Variants in NPEPPS observed in about 807,000 individuals in gnomAD.
NPEPPS encodes aminopeptidase puromycin sensitive, also known as puromycin-sensitive aminopeptidase.
In NPEPPS, 14 loss-of-function variants were observed where a neutral mutation model predicts 115.5. The ratio of observed to expected loss-of-function variants is 0.12; its 90% CI spans 0.08 to 0.19. The LOEUF is 0.19. NPEPPS is among the 10% of genes least tolerant of loss of function. NPEPPS has a pLI of 1.00. For synonymous variants in NPEPPS, 285 were observed against 390.6 expected, an observed-to-expected ratio of 0.73 and a Z score of 3.19; for missense variants, 523 against 1,110.8, an observed-to-expected ratio of 0.47 and a Z score of 7.52.
At chr17:47,605,862 TTTTA>T (rs1205744775) in intron 17 of NPEPPS, among the ~76,000 whole-genome samples, 3 of 152,100 alleles carry the variant, frequency 2.0e-5, no homozygotes, top group Non-Finnish European at 2.9e-5. Flanking sequence ...GGTTGTTTTG[TTTTA>T]TTTATTTATT....
intron 2 of NPEPPS, among the ~76,000 whole-genome samples, chr17:47,568,088 A>C: frequency 6.6e-6 from 1 of 152,170 alleles, no homozygotes; most frequent in Non-Finnish European, 1.5e-5. Context: ...ACTGTTTTCC[A>C]AAAGTGGCTG....
At chr17:47,560,972 G>A (rs985980625) in intron 2 of NPEPPS, among the ~76,000 whole-genome samples, 2 of 152,128 alleles carry the variant, frequency 1.3e-5, no homozygotes, top group Admixed American at 1.3e-4. Flanking sequence ...TAGATAATTT[G>A]TAAAGGAAAA....
chr17:47,612,640 ACAT>A (rs758282281), intron 18 of NPEPPS, 38 bp downstream of exon 18: 74 of 1,579,216 alleles, frequency 4.7e-5, no homozygotes, highest in East Asian at 1.1e-4. Context: ...CTTATAGGTA[ACAT>A]CATTTTGTGA....
chr17:47,530,449 C>T (rs1299052989), upstream of NPEPPS, among the ~76,000 whole-genome samples: 1 of 143,046 alleles, frequency 7.0e-6, no homozygotes, highest in Admixed American at 7.2e-5. Context: ...CTCCGCCTCC[C>T]GGGTTCACGC....
At chr17:47,596,286 A>C (rs1912871859) in intron 12 of NPEPPS, 67 bp from the exon 13 acceptor site, 1 of 1,041,084 alleles carries the variant, frequency 9.6e-7, no homozygotes, top group Admixed American at 2.7e-5. Context: ...AAAGTTAAAT[A>C]AAATTTCTTT....
chr17:47,616,734 G>GT (rs1358604607), intron 19 of NPEPPS, among the ~76,000 whole-genome samples: 6 of 147,054 alleles, frequency 4.1e-5, no homozygotes, highest in African/African-American at 1.5e-4. Flanking sequence ...GTAGTGAGCT[G>GT]AGGTAACACC....
chr17:47,589,871 C>T (rs985205968), intron 9 of NPEPPS, among the ~76,000 whole-genome samples: 7 of 152,060 alleles, frequency 4.6e-5, no homozygotes, highest in Non-Finnish European at 2.9e-5. Context: ...TTATTTGGCT[C>T]TGATAGTTTT....
chr17:47,601,936 A>T (rs1279818095), intron 15 of NPEPPS, 189 bp downstream of exon 15: 6 of 584,850 alleles, frequency 1.0e-5, no homozygotes, highest in Non-Finnish European at 1.7e-5. Context: ...GTAGTGGTAG[A>T]GAAGCAGATC....
chr17:47,552,535 A>C (rs1909723866), intron 2 of NPEPPS, among the ~76,000 whole-genome samples: 1 of 152,208 alleles, frequency 6.6e-6, no homozygotes, highest in Non-Finnish European at 1.5e-5. Flanking sequence ...CTGTCTGATA[A>C]AGAACCTGTG....
chr17:47,553,910 C>G (rs1174118011), intron 2 of NPEPPS, among the ~76,000 whole-genome samples: 1 of 151,982 alleles, frequency 6.6e-6, no homozygotes, highest in East Asian at 1.9e-4. Flanking sequence ...GCCACCACAC[C>G]TGGCTAATTT....
chr17:47,598,606 AAAAC>A (rs1357751708), intron 13 of NPEPPS, among the ~76,000 whole-genome samples: 3 of 152,360 alleles, frequency 2.0e-5, no homozygotes, highest in East Asian at 1.9e-4. Flanking sequence ...CCAAAACAAA[AAAAC>A]AAACCCAAAA....
At chr17:47,573,611 C>G (rs1048070984) in intron 3 of NPEPPS, among the ~76,000 whole-genome samples, 20 of 152,246 alleles carry the variant, frequency 1.3e-4, no homozygotes, top group African/African-American at 4.1e-4. Context: ...AATCCCAACA[C>G]TTTGGGAGGC....
chr17:47,555,901 A>G (rs545942160), intron 2 of NPEPPS, among the ~76,000 whole-genome samples: 4 of 150,558 alleles, frequency 2.7e-5, no homozygotes, highest in Non-Finnish European at 4.4e-5. Flanking sequence ...AAGCTCTGCT[A>G]TAGTTTCAAG....
intron 2 of NPEPPS, among the ~76,000 whole-genome samples, chr17:47,555,803 C>T (rs2143752842): frequency 6.6e-6 from 1 of 151,852 alleles, no homozygotes; most frequent in East Asian, 1.9e-4. Flanking sequence ...TCTTTCATTG[C>T]TCTAGGCCTA....
intron 15 of NPEPPS, among the ~76,000 whole-genome samples, chr17:47,602,814 C>T (rs551698797): frequency 6.6e-6 from 1 of 151,680 alleles, no homozygotes; most frequent in East Asian, 1.9e-4. Flanking sequence ...CATTGTTTTA[C>T]TTTTTTAAAT....
Position 47,612,808 on chromosome 17 carries a change from C to T in NPEPPS, c.2238+206C>T, listed in dbSNP as rs769501908. On this transcript the variant is annotated intron_variant, in intron 18 of 22. Coordinates refer to ENST00000322157, the MANE Select transcript of NPEPPS (RefSeq NM_006310.4). ...CCTCCTGGCTAGCTGATATTACAGG[C>T]GCCGCCACCACGCCCAGCTAATTTT... Among the ~76,000 whole-genome samples the T allele has an allele frequency of 6.7e-4, 102 of 152,072 alleles. No homozygotes were observed. The Middle Eastern group carries it at 0.01, about 15-fold the overall frequency.
intron 20 of NPEPPS, 73 bp from the exon 21 acceptor site, chr17:47,618,936 C>A (rs925319510): frequency 7.3e-7 from 1 of 1,360,796 alleles, no homozygotes; most frequent in Non-Finnish European, 1.0e-6. Context: ...TTCAGTGTCA[C>A]AGTATGGTGC....
At chr17:47,618,552 C>A in intron 20 of NPEPPS, 95 bp downstream of exon 20, 1 of 798,170 alleles carries the variant, frequency 1.3e-6, no homozygotes, top group East Asian at 2.6e-5. Flanking sequence ...GCTGCCTTAA[C>A]CCTAACTAAA....
At chr17:47,579,954 T>C (rs1911771939) in intron 4 of NPEPPS, 1 of 163,448 alleles carries the variant, frequency 6.1e-6, no homozygotes, top group Non-Finnish European at 1.3e-5. Context: ...TGTGTGTGTG[T>C]GTGTGTGTGT....
Sources: gnomAD v4.1 joint callset for allele counts (sites outside exome capture counted in the v4.1 genomes callset) on GRCh38, gnomAD v4.1.1 for gene constraint, MANE v1.5 for transcripts, NCBI Gene and HGNC (gene_info 2026-07-23, HGNC 2026-07-21) for gene names.